MTUS2: variants seen among roughly 807,000 people sequenced by gnomAD.
The protein encoded by MTUS2 is microtubule associated scaffold protein 2.
MTUS2 carries 40 observed loss-of-function variants against 114.1 expected under a neutral mutation model. That is an observed-to-expected ratio of 0.35 (90% CI 0.27 to 0.46). The LOEUF (loss-of-function observed/expected upper bound fraction) is 0.46. Among genes scored for constraint, MTUS2 ranks in the 20% least tolerant of loss-of-function variants. The pLI is 1.00. For synonymous variants in MTUS2, 688 were observed against 672.0 expected, an observed-to-expected ratio of 1.02 and a Z score of -0.37; for missense variants, 1,679 against 1,705.4, an observed-to-expected ratio of 0.98 and a Z score of 0.27.
At position 29,326,955 on chromosome 13, in the gene MTUS2, C is replaced by T. The variant is rs1900544366; in HGVS notation, c.2905+2244C>T. Among the ~76,000 whole-genome samples the T allele has an allele frequency of 4.0e-5, 6 of 151,606 alleles. No individual in the cohort carries two copies. In the South Asian group the frequency reaches 1.3e-3, roughly 32 times the overall value. ...AGGTCACGCCACTACACTCCAGCCTCGGCAACAGACTGAGATTCCTTCTCA... is the reference window on the plus strand; with the variant it reads ...AGGTCACGCCACTACACTCCAGCCTTGGCAACAGACTGAGATTCCTTCTCA... On this transcript the variant is annotated intron_variant, in intron 7 of 15. Transcript: ENST00000612955.
chr13:29,192,489 A>G lies in MTUS2; in HGVS notation c.2645-89215A>G, dbSNP rs139515226. 9.9e-5 allele frequency among the ~76,000 whole-genome samples: 15 copies of G among 152,268 alleles called. No individual in the cohort carries two copies. The East Asian group carries it at 2.7e-3, about 27-fold the overall frequency. On this transcript the variant is annotated intron_variant, in intron 5 of 15. Coordinates refer to ENST00000612955, the MANE Select transcript of MTUS2 (RefSeq NM_001033602.4). Reference sequence around the variant, plus strand: ...AAGTTCTAGTGTTCTGTAGCACTGAACAATTAATATAGTTAACAATAACAT... The same window carrying G: ...AAGTTCTAGTGTTCTGTAGCACTGAGCAATTAATATAGTTAACAATAACAT...
At chr13:29,244,983 T>TAAAAAAAAAA (rs1156962360) in intron 5 of MTUS2, among the ~76,000 whole-genome samples, 23 of 98,576 alleles carry the variant, frequency 2.3e-4, no homozygotes, top group South Asian at 7.7e-4. Context: ...AAAAAAAAAG[T>TAAAAAAAAAA]AAAAGTCTGT....
chr13:29,496,382 C>G lies in MTUS2; in HGVS notation c.3580-856C>G, dbSNP rs1215711088. 1 of 152,762 alleles carries G rather than the reference C, an allele frequency of 6.5e-6. No homozygotes were observed. The highest frequency in any genetic ancestry group is 1.5e-5 in the Non-Finnish European group (1 of 68,354). The allele number at this position is 152,762 out of a possible 1,614,324, so 9.5% of individuals were successfully genotyped here. A position where few individuals can be genotyped will look rare whatever the true frequency, so the allele number is the denominator to read the frequency against. On this transcript the variant is annotated intron_variant, in intron 12 of 15. Transcript: ENST00000612955. This position sits in a 1 kb window ranked among gnomAD's most constrained non-coding sequence, Gnocchi z 4.3. ...GCAGCTCCTATTAAGGACATGCAAC[C>G]CAGTCCTGAGGCCAGGAAGACTGTG... is the stretch of plus-strand genomic sequence containing the variant.
At chr13:29,345,849 C>T (rs185349805) in intron 7 of MTUS2, among the ~76,000 whole-genome samples, 5 of 152,096 alleles carry the variant, frequency 3.3e-5, no homozygotes, top group Middle Eastern at 3.4e-3. Flanking sequence ...CAGGGTGCTC[C>T]CTTGATGTGG....
intron 2 of MTUS2, among the ~76,000 whole-genome samples, chr13:28,857,368 A>C (rs1876700728): frequency 6.6e-6 from 1 of 152,214 alleles, no homozygotes; most frequent in Non-Finnish European, 1.5e-5. Context: ...GGAAGATCAG[A>C]GATCAGTCTT....
chr13:29,246,794 A>G (rs1896942210), intron 5 of MTUS2, among the ~76,000 whole-genome samples: 1 of 152,088 alleles, frequency 6.6e-6, no homozygotes, highest in Admixed American at 6.5e-5. Flanking sequence ...ATGTTCATGG[A>G]TGGGTAGAAT....
intron 2 of MTUS2, among the ~76,000 whole-genome samples, chr13:28,977,516 T>C (rs1334763727): frequency 6.6e-6 from 1 of 152,224 alleles, no homozygotes; most frequent in Non-Finnish European, 1.5e-5. Flanking sequence ...TAATATAACC[T>C]ACGAGGTAAT....
At chr13:29,131,602 T>C (rs1891766248) in intron 5 of MTUS2, among the ~76,000 whole-genome samples, 2 of 152,230 alleles carry the variant, frequency 1.3e-5, no homozygotes. Context: ...GAGACATCTG[T>C]AGGTCAGCAT....
chr13:28,949,700 C>T (rs1188179163), intron 2 of MTUS2, among the ~76,000 whole-genome samples: 2 of 152,224 alleles, frequency 1.3e-5, no homozygotes, highest in Admixed American at 1.3e-4. Flanking sequence ...TAGGTAGAAT[C>T]ATACAATATT....
chr13:29,177,641 G>C (rs966017602), intron 5 of MTUS2, among the ~76,000 whole-genome samples: 1 of 152,140 alleles, frequency 6.6e-6, no homozygotes, highest in South Asian at 2.1e-4. Context: ...TTTAGGGTGA[G>C]CAAAGTAGCA....
At chr13:28,880,798 G>A (rs936652696) in intron 2 of MTUS2, among the ~76,000 whole-genome samples, 4 of 152,108 alleles carry the variant, frequency 2.6e-5, no homozygotes, top group East Asian at 3.8e-4. Context: ...AGGCAGACAC[G>A]ATTTTACCCA....
rs1222974067 is a variant in MTUS2, at chr13:29,389,692, T to C, written c.3117+30219T>C. ...GTATATATACATATATGTATGTATA[T>C]ATGTGTATATGTGTATATGTATATA... On this transcript the variant is annotated intron_variant, in intron 8 of 15. Coordinates refer to ENST00000612955, the MANE Select transcript of MTUS2 (RefSeq NM_001033602.4). Among the ~76,000 whole-genome samples the C allele has an allele frequency of 1.4e-4, 19 of 140,224 alleles. 1 individual carries two copies. The highest frequency in any genetic ancestry group is 4.6e-4 in the African/African-American group (17 of 36,588). The allele number at this position is 140,224 out of a possible 152,430, so 92.0% of individuals were successfully genotyped here.
intron 2 of MTUS2, among the ~76,000 whole-genome samples, chr13:28,904,211 G>T (rs994407133): frequency 6.6e-6 from 1 of 152,106 alleles, no homozygotes; most frequent in African/African-American, 2.4e-5. Context: ...TCTGTAGGTT[G>T]CCTGTTCACT....
chr13:28,991,931 G>C (rs1884877202), intron 2 of MTUS2, among the ~76,000 whole-genome samples: 1 of 152,168 alleles, frequency 6.6e-6, no homozygotes, highest in Admixed American at 6.5e-5. Context: ...CTGGGAACTT[G>C]TGCAATCCTG....
At chr13:28,878,299 A>G (rs1878080010) in intron 2 of MTUS2, among the ~76,000 whole-genome samples, 1 of 151,860 alleles carries the variant, frequency 6.6e-6, no homozygotes, top group Admixed American at 6.6e-5. Flanking sequence ...GTGTACACAC[A>G]CACACATACA....
chr13:28,993,504 G>A (rs545509393), intron 2 of MTUS2, among the ~76,000 whole-genome samples: 23 of 152,268 alleles, frequency 1.5e-4, no homozygotes, highest in Admixed American at 1.3e-3. Flanking sequence ...TGAGGGAAGG[G>A]TGTGTCCTAG....
At chr13:29,304,574 A>G (rs1304558455) in intron 6 of MTUS2, among the ~76,000 whole-genome samples, 1 of 152,232 alleles carries the variant, frequency 6.6e-6, no homozygotes, top group African/African-American at 2.4e-5. Context: ...GTTTAATTCA[A>G]CAAGAAGAGC....
chr13:28,912,209 A>G (rs1204782936), intron 2 of MTUS2, among the ~76,000 whole-genome samples: 1 of 152,020 alleles, frequency 6.6e-6, no homozygotes, highest in Non-Finnish European at 1.5e-5. Flanking sequence ...AAAGGTTCCA[A>G]TTTCAAATTT....
chr13:29,306,845 T>G, intron 6 of MTUS2: 1 of 474,386 alleles, frequency 2.1e-6, no homozygotes, highest in Non-Finnish European at 4.2e-6. Context: ...AGGGCTGCTT[T>G]TAACTCTGCT....
Sources: gnomAD v4.1 joint callset for allele counts (sites outside exome capture counted in the v4.1 genomes callset) on GRCh38, gnomAD v4.1.1 for gene constraint, Gnocchi (gnomAD v3.1) non-coding constraint, MANE v1.5 for transcripts, NCBI Gene and HGNC (gene_info 2026-07-23, HGNC 2026-07-21) for gene names.